PTGER3: variants seen among roughly 807,000 people sequenced by gnomAD.
PTGER3 encodes the protein prostaglandin E receptor 3.
Under a neutral mutation model 34.7 loss-of-function variants are expected in PTGER3, and 22 were observed. The ratio of observed to expected loss-of-function variants is 0.63; its 90% CI spans 0.45 to 0.91. The LOEUF is 0.91. Among genes scored for constraint, PTGER3 ranks in the 40% least tolerant of loss-of-function variants. PTGER3 has a pLI of 0.00. For missense variants in PTGER3, 468 were observed against 519.4 expected (o/e 0.90, Z 0.96); for synonymous variants, 241 against 230.1 (o/e 1.05, Z -0.43).
rs372785979 is a variant in PTGER3, at chr1:70,932,655, T to A, written c.*23+21108A>T. On this transcript the variant is annotated intron_variant, in intron 4 of 4. Coordinates refer to the PTGER3 transcript ENST00000370931. Reference sequence around the variant, plus strand: ...CTTATTCACTGCCAGGAGAGCAGTATGGGGGAAATTGCACCCATGATTTAT... The same window carrying A: ...CTTATTCACTGCCAGGAGAGCAGTAAGGGGGAAATTGCACCCATGATTTAT... 2.6e-5 allele frequency among the ~76,000 whole-genome samples: 4 copies of A among 152,232 alleles called. No homozygotes were observed. In the East Asian group the frequency reaches 5.8e-4, roughly 22 times the overall value.
At chr1:70,857,966 T>C (rs1645845785) in intron 4 of PTGER3, among the ~76,000 whole-genome samples, 2 of 152,212 alleles carry the variant, frequency 1.3e-5, no homozygotes, top group Non-Finnish European at 2.9e-5. Flanking sequence ...TTATGTATTC[T>C]CTTCGTTGCT....
chr1:70,987,714 C>T (rs916577191), intron 2 of PTGER3, among the ~76,000 whole-genome samples: 16 of 152,128 alleles, frequency 1.1e-4, no homozygotes, highest in African/African-American at 3.9e-4. Context: ...TAACCACAAC[C>T]ACCCAATATA....
intron 1 of PTGER3, among the ~76,000 whole-genome samples, chr1:71,038,986 GGTTT>G (rs1229685703): frequency 2.0e-5 from 3 of 152,208 alleles, no homozygotes; most frequent in Non-Finnish European, 4.4e-5. Context: ...ATTGAGAATA[GGTTT>G]GTGCACATAT....
At chr1:70,882,183 A>G (rs140809226) in intron 4 of PTGER3, among the ~76,000 whole-genome samples, 1 of 152,330 alleles carries the variant, frequency 6.6e-6, no homozygotes, top group African/African-American at 2.4e-5. Flanking sequence ...CTGGGCTTGA[A>G]GATCTAGCAG....
chr1:70,930,768 G>A (rs1437905962), intron 4 of PTGER3, among the ~76,000 whole-genome samples: 1 of 152,092 alleles, frequency 6.6e-6, no homozygotes, highest in Admixed American at 6.5e-5. Context: ...TTCTCACCTG[G>A]TCCCTCCCAC....
At chr1:70,927,343 A>G (rs1027857216) in intron 4 of PTGER3, among the ~76,000 whole-genome samples, 1 of 152,050 alleles carries the variant, frequency 6.6e-6, no homozygotes, top group Non-Finnish European at 1.5e-5. Context: ...TACAGATAGA[A>G]CCTACAGGAG....
intron 4 of PTGER3, among the ~76,000 whole-genome samples, chr1:70,922,690 C>T (rs1647662025): frequency 6.6e-6 from 1 of 151,730 alleles, no homozygotes; most frequent in Admixed American, 6.6e-5. Context: ...AAAAAAAAAC[C>T]AGTTCTATAC....
chr1:70,877,006 T>C (rs1646286410), intron 4 of PTGER3, among the ~76,000 whole-genome samples: 1 of 152,164 alleles, frequency 6.6e-6, no homozygotes, highest in African/African-American at 2.4e-5. Flanking sequence ...TCATTGGTAG[T>C]TTGATAGAAA....
intron 2 of PTGER3, chr1:71,010,601 T>C (rs1657353331): frequency 1.0e-6 from 1 of 984,744 alleles, no homozygotes; most frequent in African/African-American, 1.7e-5. Flanking sequence ...GTGATTTCAG[T>C]GCACTTTTGA....
At chr1:70,867,824 G>A (rs188350322) in intron 4 of PTGER3, among the ~76,000 whole-genome samples, 162 of 152,274 alleles carry the variant, frequency 1.1e-3, no homozygotes, top group Non-Finnish European at 2.0e-3. Flanking sequence ...CCTACTTGGA[G>A]TCACAAGACA....
intron 4 of PTGER3, among the ~76,000 whole-genome samples, chr1:70,940,149 G>C (rs1331874463): frequency 6.6e-6 from 1 of 152,144 alleles, no homozygotes; most frequent in African/African-American, 2.4e-5. Context: ...CCCTAGGGCA[G>C]GGGCAAAATG....
intron 4 of PTGER3, among the ~76,000 whole-genome samples, chr1:70,945,806 C>T (rs1650175258): frequency 6.6e-6 from 1 of 152,028 alleles, no homozygotes. Flanking sequence ...GAAGGCATTA[C>T]TGATGTGCAT....
At chr1:71,014,726 A>T (rs1006437889) in intron 1 of PTGER3, among the ~76,000 whole-genome samples, 1 of 152,186 alleles carries the variant, frequency 6.6e-6, no homozygotes, top group African/African-American at 2.4e-5. Flanking sequence ...GGGCACCTTG[A>T]TCTTAGAATC....
At chr1:70,853,663 G>T (rs1484770106) in intron 4 of PTGER3, among the ~76,000 whole-genome samples, 1 of 152,112 alleles carries the variant, frequency 6.6e-6, no homozygotes. Context: ...AATACCATCT[G>T]ATATTTGCTG....
intron 4 of PTGER3, among the ~76,000 whole-genome samples, chr1:70,884,905 G>C (rs975039871): frequency 6.6e-6 from 1 of 152,154 alleles, no homozygotes; most frequent in African/African-American, 2.4e-5. Context: ...CACGTTCCTA[G>C]ATTATTGTAA....
chr1:70,937,377 G>T (rs1168313332), intron 4 of PTGER3, among the ~76,000 whole-genome samples: 1 of 152,126 alleles, frequency 6.6e-6, no homozygotes, highest in South Asian at 2.1e-4. Flanking sequence ...ACTAGGTGTG[G>T]GGTTAAATTG....
intron 4 of PTGER3, among the ~76,000 whole-genome samples, chr1:70,896,789 G>A (rs7541092): frequency 0.086 from 13,154 of 152,178 alleles, 1,040 homozygotes; most frequent in East Asian, 0.23. Flanking sequence ...TTGACTAGGC[G>A]TTAGTGTTCC....
intron 1 of PTGER3, among the ~76,000 whole-genome samples, chr1:71,037,796 C>A (rs1229857572): frequency 6.6e-6 from 1 of 152,152 alleles, no homozygotes; most frequent in East Asian, 1.9e-4. Context: ...CCATCCAGTG[C>A]CTTGTTCTCT....
At chr1:70,947,197 G>T (rs898884284) in intron 4 of PTGER3, among the ~76,000 whole-genome samples, 2 of 152,096 alleles carry the variant, frequency 1.3e-5, no homozygotes, top group African/African-American at 4.8e-5. Context: ...GCTAAAGTAG[G>T]TGATACAGTT....
Sources: gnomAD v4.1 joint callset for allele counts (sites outside exome capture counted in the v4.1 genomes callset) on GRCh38, gnomAD v4.1.1 for gene constraint, MANE v1.5 for transcripts, NCBI Gene and HGNC (gene_info 2026-07-23, HGNC 2026-07-21) for gene names.